The following SRGAP2B variants were observed in gnomAD, a reference collection of about 807,000 sequenced individuals.
SRGAP2B encodes the protein SLIT-ROBO Rho GTPase-activating protein 2B.
SRGAP2B carries 9 observed loss-of-function variants against 22.2 expected under a neutral mutation model. The observed-to-expected ratio is 0.41, with a 90% CI of 0.24 to 0.71. The LOEUF (loss-of-function observed/expected upper bound fraction) is 0.71, where lower values mean the gene tolerates loss of function less well. Among genes scored for constraint, SRGAP2B ranks in the 30% least tolerant of loss-of-function variants. The pLI is 0.35. For missense variants in SRGAP2B, 114 were observed against 235.8 expected (o/e 0.48, Z 3.38); for synonymous variants, 36 against 87.4 (o/e 0.41, Z 3.28).
intron 4 of SRGAP2B, among the ~76,000 whole-genome samples, chr1:144,925,578 A>C (rs1664609089): frequency 7.2e-6 from 1 of 139,100 alleles, no homozygotes. Flanking sequence ...CAGGAGGCAG[A>C]GGTTGCAGTG....
intron 4 of SRGAP2B, among the ~76,000 whole-genome samples, chr1:144,926,650 A>G (rs1289276574): frequency 6.6e-6 from 1 of 151,046 alleles, no homozygotes; most frequent in Non-Finnish European, 1.5e-5. Context: ...TGAAGCCAGG[A>G]GTTCAAGACC....
At chr1:144,988,977 T>C (rs1669959286) in intron 3 of SRGAP2B, among the ~76,000 whole-genome samples, 1 of 139,758 alleles carries the variant, frequency 7.2e-6, no homozygotes, top group South Asian at 2.3e-4. Context: ...AATATATTCC[T>C]ACTTCCTTTC....
At chr1:144,934,152 C>A (rs1283186328) in intron 4 of SRGAP2B, among the ~76,000 whole-genome samples, 1 of 150,384 alleles carries the variant, frequency 6.6e-6, no homozygotes, top group South Asian at 2.1e-4. Context: ...TGCCTGTAAT[C>A]TCAGCAGTTT....
chr1:144,995,744 A>G (rs2102161241), intron 2 of SRGAP2B, among the ~76,000 whole-genome samples: 1 of 150,276 alleles, frequency 6.7e-6, no homozygotes, highest in East Asian at 1.9e-4. Flanking sequence ...ATCTTCATGA[A>G]GTAGGATGAA....
intron 2 of SRGAP2B, among the ~76,000 whole-genome samples, chr1:145,064,305 G>C (rs1184644434): frequency 1.4e-5 from 2 of 147,972 alleles, no homozygotes; most frequent in Non-Finnish European, 2.9e-5. Flanking sequence ...GCTCCCCATA[G>C]TTCAAGAGGC....
At chr1:145,017,382 G>A (rs1672505816) in intron 2 of SRGAP2B, among the ~76,000 whole-genome samples, 1 of 144,014 alleles carries the variant, frequency 6.9e-6, no homozygotes. Context: ...TACTTTTAGA[G>A]GAAAAGACAC....
At chr1:145,016,610 T>C (rs1435943488) in intron 2 of SRGAP2B, among the ~76,000 whole-genome samples, 1 of 88,006 alleles carries the variant, frequency 1.1e-5, no homozygotes, top group Non-Finnish European at 2.2e-5. Flanking sequence ...AAACTTAGCA[T>C]TTGATTCAAT....
At chr1:145,076,190 C>A (rs1177594977) in intron 2 of SRGAP2B, among the ~76,000 whole-genome samples, 4 of 149,698 alleles carry the variant, frequency 2.7e-5, no homozygotes, top group African/African-American at 1.0e-4. Flanking sequence ...CAAAAAACTA[C>A]CTCCATCTTT....
intron 3 of SRGAP2B, among the ~76,000 whole-genome samples, chr1:144,965,336 A>AC (rs1667997864): frequency 1.4e-5 from 2 of 139,478 alleles, no homozygotes. Flanking sequence ...CTGACCCCTG[A>AC]CCCCCGAGCA....
intron 1 of SRGAP2B, among the ~76,000 whole-genome samples, chr1:145,094,203 G>A (rs1322095037): frequency 2.0e-5 from 1 of 50,134 alleles, no homozygotes; most frequent in Non-Finnish European, 3.8e-5. Context: ...ATCCCAGGCT[G>A]GGGATGGGAG....
intron 2 of SRGAP2B, among the ~76,000 whole-genome samples, chr1:145,064,689 T>C (rs1202272668): frequency 4.7e-5 from 7 of 150,272 alleles, no homozygotes; most frequent in South Asian, 2.1e-4. Context: ...GCAGCTGTCT[T>C]AGATCAGAGG....
intron 2 of SRGAP2B, among the ~76,000 whole-genome samples, chr1:145,080,269 G>A (rs1177572604): frequency 1.3e-5 from 2 of 148,410 alleles, no homozygotes; most frequent in African/African-American, 5.2e-5. Flanking sequence ...TTCACCTGTA[G>A]GCCCATCAAG....
intron 4 of SRGAP2B, 73 bp from the exon 5 acceptor site, chr1:144,914,827 CA>C (rs1553603610): frequency 1.5e-6 from 1 of 666,830 alleles, no homozygotes; most frequent in East Asian, 2.7e-5. Context: ...GCAAAAGCCA[CA>C]CTGGCTCTAC....
rs1408057284 is a variant in SRGAP2B, at chr1:144,893,979, C to A, written c.1054-470G>T. Among the ~76,000 whole-genome samples, 524 of 143,468 alleles carry A rather than the reference C, an allele frequency of 3.7e-3. 31 individuals are homozygous for A. In the East Asian group the frequency reaches 0.092, roughly 25 times the overall value. 94.1% of individuals were successfully genotyped at this position (143,468 alleles called of 152,430 possible). A position where few individuals can be genotyped will look rare whatever the true frequency, so the allele number is the denominator to read the frequency against. On this transcript the variant is annotated intron_variant, in intron 8 of 9. Coordinates refer to ENST00000612199, the Ensembl canonical transcript of SRGAP2B. ...CATGTGTTTACAAATCCAGGCCATG[C>A]ATGAGAGCTTTGATTCAATGAGAAA...
intron 2 of SRGAP2B, among the ~76,000 whole-genome samples, chr1:145,019,820 C>A (rs1672661679): frequency 6.7e-6 from 1 of 149,004 alleles, no homozygotes; most frequent in Non-Finnish European, 1.5e-5. Flanking sequence ...CATCTCCTCC[C>A]TTCCTCCTAA....
intron 3 of SRGAP2B, among the ~76,000 whole-genome samples, chr1:144,970,503 G>T (rs12144516): frequency 7.8e-5 from 8 of 103,210 alleles, no homozygotes; most frequent in Non-Finnish European, 5.8e-5. Flanking sequence ...GTGGTGGGGT[G>T]GGGGGAGGGG....
intron 3 of SRGAP2B, 142 bp from the exon 4 acceptor site, chr1:144,955,743 G>C: frequency 1.8e-6 from 1 of 550,524 alleles, no homozygotes. Flanking sequence ...CACCTCTCTA[G>C]TTTTCTCCTT....
rs1286351356 is a variant in SRGAP2B, at chr1:145,047,147, G to T, written c.67+45688C>A. 2.3e-5 allele frequency among the ~76,000 whole-genome samples: 3 copies of T among 129,298 alleles called. 1 individual carries two copies. Among genetic ancestry groups the T allele is most frequent in the Non-Finnish European group, 4.7e-5 (3 of 63,672 alleles). The allele number at this position is 129,298 out of a possible 152,430, so 84.8% of individuals were successfully genotyped here. A position where few individuals can be genotyped will look rare whatever the true frequency, so the allele number is the denominator to read the frequency against. ...GCCAAGATCGCACCACTGCACCCCA[G>T]ACTGGGCAACAGAGCAAGACTCTGT... On this transcript the variant is annotated intron_variant, in intron 2 of 9. Transcript: ENST00000612199.
At chr1:145,006,658 G>A (rs1553621125) in intron 2 of SRGAP2B, among the ~76,000 whole-genome samples, 3 of 150,602 alleles carry the variant, frequency 2.0e-5, no homozygotes, top group Non-Finnish European at 4.4e-5. Context: ...TGAAGTGACT[G>A]GTTTGTTATA....
Sources: allele counts gnomAD v4.1 joint callset (sites outside exome capture counted in the v4.1 genomes callset), GRCh38; gene constraint gnomAD v4.1.1; transcripts MANE v1.5; gene names NCBI Gene and HGNC (gene_info 2026-07-23, HGNC 2026-07-21).